EIPR1: variants seen among roughly 807,000 people sequenced by gnomAD.
EIPR1 encodes the protein EARP complex and GARP complex interacting protein 1.
A neutral mutation model predicts 48.1 loss-of-function variants in EIPR1; 25 were observed. The observed-to-expected ratio is 0.52, with a 90% CI of 0.38 to 0.73. EIPR1 has a LOEUF of 0.73. Ranked by LOEUF, EIPR1 falls within the 30% of genes least tolerant of loss-of-function variation. The probability of loss-of-function intolerance (pLI) is 0.00; values close to 1 mark genes in which losing one functional copy is unlikely to be tolerated. For missense variants in EIPR1, 415 were observed against 506.2 expected, an observed-to-expected ratio of 0.82 and a Z score of 1.73; for synonymous variants, 204 against 201.9, an observed-to-expected ratio of 1.01 and a Z score of -0.09.
At chr2:3,353,434 T>C (rs976893599) in intron 2 of EIPR1, 2 of 396,024 alleles carry the variant, frequency 5.1e-6, no homozygotes, top group Non-Finnish European at 5.1e-6. Flanking sequence ...GTTGTCATGT[T>C]TCTTAGGAGT....
At chr2:3,301,973 C>T (rs1168323972) in intron 3 of EIPR1, among the ~76,000 whole-genome samples, 2 of 152,192 alleles carry the variant, frequency 1.3e-5, no homozygotes, top group Non-Finnish European at 2.9e-5. Context: ...GACAGGACCA[C>T]CATGAGGGCT....
intron 3 of EIPR1, among the ~76,000 whole-genome samples, chr2:3,274,129 C>T (rs1348557646): frequency 2.0e-5 from 3 of 152,074 alleles, no homozygotes; most frequent in Non-Finnish European, 4.4e-5. Context: ...GAGACTGCAG[C>T]GTGGGAATGT....
At chr2:3,259,688 GT>G (rs999018048) in intron 3 of EIPR1, among the ~76,000 whole-genome samples, 2 of 152,174 alleles carry the variant, frequency 1.3e-5, no homozygotes, top group African/African-American at 4.8e-5. Flanking sequence ...ACAAAGAGGG[GT>G]TTTTCTTTCT....
At chr2:3,366,224 C>T (rs949168584) in intron 1 of EIPR1, among the ~76,000 whole-genome samples, 1 of 152,334 alleles carries the variant, frequency 6.6e-6, no homozygotes, top group African/African-American at 2.4e-5. Context: ...AGGAGAATCG[C>T]TTGAACCCAG....
chr2:3,369,042 A>AG (rs1671043706), intron 1 of EIPR1, among the ~76,000 whole-genome samples: 1 of 152,196 alleles, frequency 6.6e-6, no homozygotes, highest in Non-Finnish European at 1.5e-5. Flanking sequence ...ACAAAAAAAA[A>AG]CACTATCCTT....
intron 3 of EIPR1, among the ~76,000 whole-genome samples, chr2:3,289,468 C>T (rs1464714905): frequency 3.9e-5 from 6 of 152,106 alleles, no homozygotes; most frequent in South Asian, 2.1e-4. Flanking sequence ...TGAGGGACCA[C>T]GGGATCCTGG....
rs1409619262 is a variant in EIPR1 at position 3,199,186 on chromosome 2, T to TCCAC, written c.517-2173_517-2170dup. Among the ~76,000 whole-genome samples, 32 of 152,040 alleles carry TCCAC rather than the reference T, an allele frequency of 2.1e-4. 1 individual carries two copies. In the East Asian group the frequency reaches 3.5e-3, roughly 17 times the overall value. ...GGTAATAAGAGAAATATGGCTCTGT[T>TCCAC]CCACCCGGCTCCCAGGCAGCCAGAC... On this transcript the variant is annotated intron_variant, in intron 5 of 8. Coordinates refer to ENST00000382125, the MANE Select transcript of EIPR1 (RefSeq NM_003310.5).
chr2:3,292,828 G>T (rs1373788614), intron 3 of EIPR1, among the ~76,000 whole-genome samples: 1 of 148,520 alleles, frequency 6.7e-6, no homozygotes, highest in Non-Finnish European at 1.5e-5. Flanking sequence ...TGAAAATAAT[G>T]AGATATGAGA....
chr2:3,369,796 C>A (rs914785760), intron 1 of EIPR1, among the ~76,000 whole-genome samples: 3 of 152,234 alleles, frequency 2.0e-5, no homozygotes, highest in Non-Finnish European at 4.4e-5. Flanking sequence ...TAGGCTCCAC[C>A]TCTGGGGGCA....
chr2:3,251,813 C>T (rs1024024045), intron 4 of EIPR1, among the ~76,000 whole-genome samples: 17 of 152,172 alleles, frequency 1.1e-4, no homozygotes, highest in African/African-American at 3.9e-4. Flanking sequence ...CATTTATATT[C>T]CCAGGAACAG....
intron 1 of EIPR1, among the ~76,000 whole-genome samples, chr2:3,372,619 A>G (rs1485446518): frequency 6.6e-6 from 1 of 152,232 alleles, no homozygotes; most frequent in Non-Finnish European, 1.5e-5. Context: ...CAAATAAACT[A>G]GAAAATCTAG....
chr2:3,252,817 G>A (rs1476510909), intron 4 of EIPR1, among the ~76,000 whole-genome samples: 1 of 152,168 alleles, frequency 6.6e-6, no homozygotes, highest in Non-Finnish European at 1.5e-5. Flanking sequence ...GGCCCTTACA[G>A]GAACCCCGGC....
chr2:3,269,318 ATCGCACTCAATCATCATCACACTCAG>A, intron 3 of EIPR1, among the ~76,000 whole-genome samples: 1 of 127,942 alleles, frequency 7.8e-6, no homozygotes, highest in Non-Finnish European at 1.7e-5. Flanking sequence ...GCACTCAGTC[ATCGCACTCAATCATCATCACACTCAG>A]TCATCGCACT....
intron 3 of EIPR1, 104 bp from the exon 4 acceptor site, chr2:3,257,559 T>A: frequency 7.2e-7 from 1 of 1,388,878 alleles, no homozygotes; most frequent in Non-Finnish European, 9.8e-7. Context: ...AGCGCGCATC[T>A]GCTCTTTAAA....
At chr2:3,315,357 C>G (rs370100879) in intron 3 of EIPR1, among the ~76,000 whole-genome samples, 4 of 92 alleles carry the variant, frequency 0.043, 2 homozygotes, top group African/African-American at 0.11. Context: ...CCCATCCACA[C>G]CCCCTACCAC....
chr2:3,348,638 G>C (rs1317376529), intron 2 of EIPR1, among the ~76,000 whole-genome samples: 2 of 152,222 alleles, frequency 1.3e-5, no homozygotes, highest in Non-Finnish European at 2.9e-5. Flanking sequence ...TCCCTCAGAG[G>C]AAAGTCAGCA....
Position 3,214,256 on chromosome 2 carries a change from A to G in EIPR1, c.417-8T>C. On this transcript the variant is annotated splice_polypyrimidine_tract_variant and splice_region_variant and intron_variant, in intron 4 of 8. Transcript: ENST00000382125. ...ATTGGCTCCCACACGACACTAAGAG[A>G]AAGAGAAGTACCAAATGTTAACATA... is the stretch of plus-strand genomic sequence containing the variant. 1 of 1,611,612 alleles carries G rather than the reference A, an allele frequency of 6.2e-7. No individual in the cohort carries two copies. Among genetic ancestry groups the G allele is most frequent in the Non-Finnish European group, 8.5e-7 (1 of 1,178,528 alleles).
At chr2:3,267,037 C>T (rs1365429731) in intron 3 of EIPR1, among the ~76,000 whole-genome samples, 1 of 152,212 alleles carries the variant, frequency 6.6e-6, no homozygotes, top group South Asian at 2.1e-4. Context: ...TACCCCCACA[C>T]CCTGAATCAA....
At chr2:3,293,143 A>G (rs375043636) in intron 3 of EIPR1, among the ~76,000 whole-genome samples, 51 of 152,162 alleles carry the variant, frequency 3.4e-4, no homozygotes, top group African/African-American at 1.2e-3. Context: ...TCACCCTACA[A>G]TCTATAGCCT....
Sources: allele counts gnomAD v4.1 joint callset (sites outside exome capture counted in the v4.1 genomes callset), GRCh38; gene constraint gnomAD v4.1.1; transcripts MANE v1.5; gene names NCBI Gene and HGNC (gene_info 2026-07-23, HGNC 2026-07-21).